Variants in ARL8B observed in about 807,000 individuals in gnomAD.
ARL8B encodes ARF like GTPase 8B, also known as ADP-ribosylation factor-like protein 8B.
ARL8B carries 9 observed loss-of-function variants against 30.6 expected under a neutral mutation model. The ratio of observed to expected loss-of-function variants is 0.29; its 90% CI spans 0.18 to 0.51. ARL8B has a LOEUF of 0.51. ARL8B is among the 20% of genes least tolerant of loss of function. The pLI, the probability that ARL8B is intolerant of heterozygous loss-of-function variation, is 0.97. For missense variants in ARL8B, 130 were observed against 227.2 expected, an observed-to-expected ratio of 0.57 and a Z score of 2.75; for synonymous variants, 74 against 76.0, an observed-to-expected ratio of 0.97 and a Z score of 0.14.
chr3:5,145,783 C>A (rs2054413753), intron 1 of ARL8B, among the ~76,000 whole-genome samples: 1 of 151,716 alleles, frequency 6.6e-6, no homozygotes, highest in Non-Finnish European at 1.5e-5. Flanking sequence ...GCCAGTTAAA[C>A]CTAAAAATTT....
At chr3:5,173,944 CA>C in intron 4 of ARL8B, 72 bp from the exon 5 acceptor site, 1 of 1,089,348 alleles carries the variant, frequency 9.2e-7, no homozygotes, top group South Asian at 1.3e-5. Context: ...TGTGTCTTCA[CA>C]TATCAAGATG....
rs1238618369 is a variant in ARL8B, at chr3:5,126,947, A to G, written c.123+4359A>G. Reference sequence around the variant, plus strand: ...GATTTGCCAAAATAATATAGGATAAATCTTATGGACATTATGTATTTTTTA... The same window carrying G: ...GATTTGCCAAAATAATATAGGATAAGTCTTATGGACATTATGTATTTTTTA... On this transcript the variant is annotated intron_variant, in intron 1 of 6. Transcript: ENST00000256496. Among the ~76,000 whole-genome samples, 45 of 152,214 alleles carry G rather than the reference A, an allele frequency of 3.0e-4. 1 individual carries two copies. The highest frequency in any genetic ancestry group is 5.9e-5 in the Non-Finnish European group (4 of 68,032).
chr3:5,153,072 G>A (rs1043848130), intron 1 of ARL8B, among the ~76,000 whole-genome samples: 2 of 152,044 alleles, frequency 1.3e-5, no homozygotes, highest in Non-Finnish European at 2.9e-5. Flanking sequence ...CCTTGCAGTG[G>A]TTCTTCTAGA....
intron 1 of ARL8B, among the ~76,000 whole-genome samples, chr3:5,140,591 G>C (rs1312649149): frequency 6.7e-6 from 1 of 149,662 alleles, no homozygotes; most frequent in Non-Finnish European, 1.5e-5. Context: ...CAACACGTTA[G>C]TCTTTAACTC....
At chr3:5,133,985 A>T (rs1289852771) in intron 1 of ARL8B, among the ~76,000 whole-genome samples, 1 of 152,138 alleles carries the variant, frequency 6.6e-6, no homozygotes, top group Non-Finnish European at 1.5e-5. Context: ...AGTGTTACAT[A>T]ATTAATGATA....
At chr3:5,176,873 G>C (rs550133916) in intron 6 of ARL8B, among the ~76,000 whole-genome samples, 1 of 152,246 alleles carries the variant, frequency 6.6e-6, no homozygotes, top group South Asian at 2.1e-4. Context: ...ACAATGTCTG[G>C]AGACATTTTT....
At chr3:5,128,594 T>C (rs1314591816) in intron 1 of ARL8B, 1 of 335,934 alleles carries the variant, frequency 3.0e-6, no homozygotes, top group Non-Finnish European at 5.9e-6. Context: ...AGTAAGTGGA[T>C]GGTTACTGAA....
chr3:5,140,837 A>G (rs2054367267), intron 1 of ARL8B, among the ~76,000 whole-genome samples: 1 of 152,204 alleles, frequency 6.6e-6, no homozygotes, highest in South Asian at 2.1e-4. Flanking sequence ...AGAAACACTC[A>G]TTTACTCATC....
chr3:5,156,207 A>G (rs1048130201), intron 1 of ARL8B, among the ~76,000 whole-genome samples: 4 of 151,808 alleles, frequency 2.6e-5, no homozygotes, highest in Non-Finnish European at 5.9e-5. Context: ...TTGGCCTAAG[A>G]TAATTGTTTA....
chr3:5,133,089 A>C (rs1412097275), intron 1 of ARL8B, among the ~76,000 whole-genome samples: 1 of 132,688 alleles, frequency 7.5e-6, no homozygotes, highest in African/African-American at 3.2e-5. Flanking sequence ...GGAACTGCCG[A>C]TATCATGTGG....
chr3:5,173,968 G>T, intron 4 of ARL8B, 49 bp from the exon 5 acceptor site: 1 of 1,348,760 alleles, frequency 7.4e-7, no homozygotes. Flanking sequence ...AAACTTCTGT[G>T]ACTTTTTCTT....
chr3:5,137,654 G>A (rs1011793529), intron 1 of ARL8B, among the ~76,000 whole-genome samples: 8 of 152,082 alleles, frequency 5.3e-5, no homozygotes, highest in African/African-American at 1.9e-4. Context: ...GATCAGGCTG[G>A]TCTCAACTCC....
At chr3:5,126,617 C>T (rs1319971439) in intron 1 of ARL8B, among the ~76,000 whole-genome samples, 3 of 152,158 alleles carry the variant, frequency 2.0e-5, no homozygotes, top group Non-Finnish European at 4.4e-5. Flanking sequence ...TTACAGAATG[C>T]TCAGACTTAG....
chr3:5,173,806 T>G (rs977509982), intron 4 of ARL8B, among the ~76,000 whole-genome samples: 1 of 152,230 alleles, frequency 6.6e-6, no homozygotes, highest in African/African-American at 2.4e-5. Context: ...GGCAGCCACA[T>G]ACTGAATTAA....
chr3:5,160,345 C>T (rs1273326221), intron 1 of ARL8B, among the ~76,000 whole-genome samples: 1 of 152,148 alleles, frequency 6.6e-6, no homozygotes, highest in Non-Finnish European at 1.5e-5. Flanking sequence ...AATTTTTATT[C>T]AGCAGTTTTT....
intron 1 of ARL8B, among the ~76,000 whole-genome samples, chr3:5,158,722 C>T (rs1406861134): frequency 6.6e-6 from 1 of 152,034 alleles, no homozygotes; most frequent in African/African-American, 2.4e-5. Flanking sequence ...GCCACTGAAA[C>T]TCTTTATGTT....
intron 1 of ARL8B, among the ~76,000 whole-genome samples, chr3:5,147,016 C>G: frequency 7.5e-6 from 1 of 132,728 alleles, no homozygotes. Flanking sequence ...ATTACCTTTT[C>G]TTCCTCTTTT....
chr3:5,132,644 C>T (rs1392365443), intron 1 of ARL8B, among the ~76,000 whole-genome samples: 1 of 152,140 alleles, frequency 6.6e-6, no homozygotes, highest in African/African-American at 2.4e-5. Flanking sequence ...ATGCTGTACC[C>T]CATTGCTAAG....
intron 1 of ARL8B, among the ~76,000 whole-genome samples, chr3:5,124,094 C>G (rs903737910): frequency 1.3e-5 from 2 of 152,008 alleles, no homozygotes; most frequent in Non-Finnish European, 2.9e-5. Flanking sequence ...TCTCAAAACT[C>G]CTGACCTCAT....
Sources: gnomAD v4.1 joint callset for allele counts (sites outside exome capture counted in the v4.1 genomes callset) on GRCh38, gnomAD v4.1.1 for gene constraint, MANE v1.5 for transcripts, NCBI Gene and HGNC (gene_info 2026-07-23, HGNC 2026-07-21) for gene names.